APC: variants seen among roughly 807,000 people sequenced by gnomAD.
APC encodes the protein APC regulator of Wnt signaling pathway.
In APC, 72 loss-of-function variants were observed where a neutral mutation model predicts 247.0. The ratio of observed to expected loss-of-function variants is 0.29; its 90% CI spans 0.24 to 0.35. The LOEUF is 0.35. Among genes scored for constraint, APC ranks in the 10% least tolerant of loss-of-function variants. APC has a pLI of 1.00. For synonymous variants in APC, 1,254 were observed against 1,162.5 expected (o/e 1.08, Z -1.60); for missense variants, 3,400 against 3,360.7 (o/e 1.01, Z -0.29).
intron 1 of APC, among the ~76,000 whole-genome samples, chr5:112,728,338 G>A (rs1358935757): frequency 6.6e-6 from 1 of 151,994 alleles, no homozygotes; most frequent in Admixed American, 6.6e-5. Flanking sequence ...CACCATGTTG[G>A]CCAGGCTGCT....
At chr5:112,710,588 G>T (rs2149636840) in intron 1 of APC, among the ~76,000 whole-genome samples, 1 of 152,234 alleles carries the variant, frequency 6.6e-6, no homozygotes, top group Middle Eastern at 3.4e-3. Context: ...TGCCATATAA[G>T]TGTGTGTGCT....
chr5:112,777,779 C>T, intron 5 of APC: 1 of 256,370 alleles, frequency 3.9e-6, no homozygotes, highest in Non-Finnish European at 8.3e-6. Flanking sequence ...TCATGAGAAA[C>T]AGCAGTTCTC....
upstream of APC, among the ~76,000 whole-genome samples, chr5:112,732,913 G>T (rs1456324400): frequency 6.6e-6 from 1 of 152,204 alleles, no homozygotes; most frequent in African/African-American, 2.4e-5. Context: ...AGTTTATAAA[G>T]CTTGTTCATA....
chr5:112,718,299 TA>T (rs1751294334), intron 1 of APC, among the ~76,000 whole-genome samples: 1 of 152,194 alleles, frequency 6.6e-6, no homozygotes, highest in South Asian at 2.1e-4. Context: ...AATCTTTCTC[TA>T]AAGAAGGTTT....
At chr5:112,738,540 A>G in intron 1 of APC, 2 of 970,670 alleles carry the variant, frequency 2.1e-6, no homozygotes, top group Non-Finnish European at 2.4e-6. Flanking sequence ...AAAACATCTA[A>G]GTAAACTCCC....
In APC at chr5:112,829,490, C is replaced by T. The variant is rs75109184; in HGVS notation, c.1743+518C>T. On this transcript the variant is annotated intron_variant, in intron 14 of 15. Transcript: ENST00000257430. The stretch of plus-strand genomic sequence containing the variant: ...TCACCAGTCCATAGTTTTAGAGTAC[C>T]GCAAACTCCTAAAGTACTAAGGTAG... 2.2e-3 allele frequency: 365 copies of T among 162,340 alleles called. 2 individuals carry two copies. The highest frequency in any genetic ancestry group is 8.1e-3 in the African/African-American group (335 of 41,610). The allele number at this position is 162,340 out of a possible 1,614,324, so 10.1% of individuals were successfully genotyped here. A position where few individuals can be genotyped will look rare whatever the true frequency, so the allele number is the denominator to read the frequency against.
At chr5:112,718,102 CTG>C (rs2149651484) in intron 1 of APC, among the ~76,000 whole-genome samples, 1 of 150,992 alleles carries the variant, frequency 6.6e-6, no homozygotes, top group South Asian at 2.1e-4. Flanking sequence ...CTTTTCAAAA[CTG>C]TATCACTTTT....
At chr5:112,832,573 T>G (rs1185557684) in intron 14 of APC, among the ~76,000 whole-genome samples, 1 of 152,226 alleles carries the variant, frequency 6.6e-6, no homozygotes, top group Non-Finnish European at 1.5e-5. Flanking sequence ...CTCTCTGGAC[T>G]TATTTTCCAC....
At chr5:112,821,342 CA>C (rs2149790263) in intron 10 of APC, among the ~76,000 whole-genome samples, 1 of 151,974 alleles carries the variant, frequency 6.6e-6, no homozygotes, top group Admixed American at 6.6e-5. Context: ...CCTATCTCTA[CA>C]AAAAATTTTA....
rs1750595145 is a variant in APC at position 112,707,665 on chromosome 5, G to A, written c.-53G>A. The A allele has an allele frequency of 2.2e-6, 3 of 1,369,152 alleles. No individual in the cohort carries two copies. Among genetic ancestry groups the A allele is most frequent in the Non-Finnish European group, 2.9e-6 (3 of 1,037,528 alleles). 84.8% of individuals were successfully genotyped at this position (1,369,152 alleles called of 1,614,324 possible). A position where few individuals can be genotyped will look rare whatever the true frequency, so the allele number is the denominator to read the frequency against. On this transcript the variant is annotated 5_prime_UTR_variant, in exon 1 of 14. Transcript: ENST00000507379. ...CTGTTCCCAGGTACTGTTGTTGGCTGTTGGTGAGGAAGGTGAAGCACTCAG... is the reference window on the plus strand; with the variant it reads ...CTGTTCCCAGGTACTGTTGTTGGCTATTGGTGAGGAAGGTGAAGCACTCAG...
At chr5:112,812,474 C>T (rs1189013850) in intron 8 of APC, among the ~76,000 whole-genome samples, 2 of 152,138 alleles carry the variant, frequency 1.3e-5, no homozygotes, top group African/African-American at 2.4e-5. Context: ...AGTTCTGCCT[C>T]CCCTTCCTCT....
intron 13 of APC, 42 bp from the exon 14 acceptor site, chr5:112,828,814 T>C (rs1763999966): frequency 7.1e-7 from 1 of 1,407,846 alleles, no homozygotes; most frequent in Non-Finnish European, 1.0e-6. Context: ...GCAACTAGTA[T>C]GATTTTATGT....
In APC at chr5:112,844,147, AAG is replaced by A; in HGVS notation, c.*23_*24del. ...TTTAAAAGAGAGGAAGAATGAAACT[AAG>A]AAAATTCTATGTTAATTACAACTGC... On this transcript the variant is annotated 3_prime_UTR_variant, in exon 16 of 16. Coordinates refer to ENST00000257430, the MANE Select transcript of APC (RefSeq NM_000038.6). 6.3e-7 allele frequency: 1 copy of A among 1,591,468 alleles called. No individual in the cohort carries two copies. Among genetic ancestry groups the A allele is most frequent in the South Asian group, 1.1e-5 (1 of 90,336 alleles).
intron 15 of APC, among the ~76,000 whole-genome samples, chr5:112,836,987 CA>C (rs1765010939): frequency 6.6e-6 from 1 of 152,184 alleles, no homozygotes; most frequent in Non-Finnish European, 1.5e-5. Context: ...AGGCATGAGC[CA>C]CTGTGTCTGG....
intron 14 of APC, among the ~76,000 whole-genome samples, chr5:112,834,671 A>T (rs1764670728): frequency 6.6e-6 from 1 of 152,052 alleles, no homozygotes; most frequent in Non-Finnish European, 1.5e-5. Context: ...GTTGTGCCTC[A>T]TATTCTAAGA....
chr5:112,781,103 C>A (rs1758294511), intron 6 of APC, among the ~76,000 whole-genome samples, 200 bp downstream of exon 6: 1 of 152,176 alleles, frequency 6.6e-6, no homozygotes, highest in Non-Finnish European at 1.5e-5. Flanking sequence ...ATATTCATTT[C>A]CCCTGGTACT....
chr5:112,807,496 A>G (rs1272748255), intron 8 of APC, among the ~76,000 whole-genome samples: 1 of 152,058 alleles, frequency 6.6e-6, no homozygotes, highest in Admixed American at 6.6e-5. Flanking sequence ...TATGTGGTTT[A>G]TAGATATGGA....
At position 112,841,229 on chromosome 5, in the gene APC, G is replaced by C. The variant is rs587779799; in HGVS notation, c.5635G>C (p.Ala1879Pro). Residue 1879 changes from alanine (A) to proline (P), a missense_variant, in exon 16 of 16, where the codon GCT becomes CCT. Coordinates refer to ENST00000257430, the MANE Select transcript of APC (RefSeq NM_000038.6). This position sits in a 1 kb window ranked among gnomAD's most constrained non-coding sequence, Gnocchi z 4.6. ...TGATGTTGACCTTTCCAGGGAAAAG[G>C]CTGAATTAAGAAAGGCAAAAGAAAA... ...DDDVDLSREK[A>P]ELRKAKENKE... The C allele has an allele frequency of 5.6e-6, 9 of 1,613,704 alleles. No individual in the cohort carries two copies. Among genetic ancestry groups the C allele is most frequent in the Non-Finnish European group, 5.9e-6 (7 of 1,179,802 alleles).
In APC at chr5:112,821,835, A is replaced by G. The variant is rs554629420; in HGVS notation, c.1313-61A>G. On this transcript the variant is annotated intron_variant, in intron 10 of 15. Transcript: ENST00000257430. Reference sequence around the variant, plus strand: ...GATCCCTGCATATTTTTAAAGTACAATAAACATCATTGCTCTTCAAATAAC... The same window carrying G: ...GATCCCTGCATATTTTTAAAGTACAGTAAACATCATTGCTCTTCAAATAAC... 1,644 of 1,352,792 alleles carry G rather than the reference A, an allele frequency of 1.2e-3. 10 individuals are homozygous for G. Among genetic ancestry groups the G allele is most frequent in the South Asian group, 2.5e-3 (209 of 84,842 alleles). The allele number at this position is 1,352,792 out of a possible 1,614,324, so 83.8% of individuals were successfully genotyped here.
Sources: allele counts gnomAD v4.1 joint callset (sites outside exome capture counted in the v4.1 genomes callset), GRCh38; gene constraint gnomAD v4.1.1; non-coding constraint Gnocchi (gnomAD v3.1); transcripts MANE v1.5; gene names NCBI Gene and HGNC (gene_info 2026-07-23, HGNC 2026-07-21).